RIMBP2: variants seen among roughly 807,000 people sequenced by gnomAD.
RIMBP2 encodes the protein RIMS-binding protein 2.
RIMBP2 carries 48 observed loss-of-function variants against 118.6 expected under a neutral mutation model. The ratio of observed to expected loss-of-function variants is 0.40; its 90% CI spans 0.32 to 0.51. The LOEUF is 0.51. Among genes scored for constraint, RIMBP2 ranks in the 20% least tolerant of loss-of-function variants. The probability of loss-of-function intolerance (pLI) is 0.41; values close to 1 mark genes in which losing one functional copy is unlikely to be tolerated. For synonymous variants in RIMBP2, 762 were observed against 742.9 expected (o/e 1.03, Z -0.42); for missense variants, 1,551 against 1,768.3 (o/e 0.88, Z 2.20).
At chr12:130,405,941 T>C (rs1241470954) in intron 21 of RIMBP2, among the ~76,000 whole-genome samples, 2 of 152,208 alleles carry the variant, frequency 1.3e-5, no homozygotes, top group African/African-American at 4.8e-5. Context: ...GCATATACAT[T>C]GAAAACACTA....
intron 2 of RIMBP2, among the ~76,000 whole-genome samples, chr12:130,556,540 G>A (rs1356962015): frequency 6.6e-6 from 1 of 152,240 alleles, no homozygotes; most frequent in Non-Finnish European, 1.5e-5. Flanking sequence ...GGACGCTCGG[G>A]CACTCAGGAT....
At position 130,413,526 on chromosome 12, in the gene RIMBP2, G is replaced by A. The variant is rs1406616544; in HGVS notation, c.3420+599C>T. ...CGCGCATCTGTGTTCCCAGCTACTC[G>A]GGAGGCTGAGGCAGGAGAATCACTT... On this transcript the variant is annotated intron_variant, in intron 18 of 22. Transcript: ENST00000690449. Among the ~76,000 whole-genome samples, 4 of 151,542 alleles carry A rather than the reference G, an allele frequency of 2.6e-5. No individual in the cohort carries two copies. In the East Asian group the frequency reaches 5.9e-4, roughly 22 times the overall value.
In RIMBP2 at chr12:130,602,202, A is replaced by ACATTAACC. The variant is rs2059918662; in HGVS notation, c.-217+26112_-217+26119dup. On this transcript the variant is annotated intron_variant, in intron 2 of 22. Coordinates refer to ENST00000690449, the MANE Select transcript of RIMBP2 (RefSeq NM_001393629.1). ...CTAACTTGTGCCAGGCATATGACAA[A>ACATTAACC]CATTAACCCATTAACCCTCATAATA... Among the ~76,000 whole-genome samples the ACATTAACC allele has an allele frequency of 3.9e-5, 6 of 152,376 alleles. No individual in the cohort carries two copies. In the South Asian group the frequency reaches 1.2e-3, roughly 32 times the overall value.
chr12:130,428,520 C>T (rs1314459906), intron 14 of RIMBP2, 183 bp from the exon 15 acceptor site: 3 of 547,536 alleles, frequency 5.5e-6, no homozygotes, highest in Non-Finnish European at 9.4e-6. Flanking sequence ...CACACCCACT[C>T]TCTCTGTTGA....
At chr12:130,460,778 C>T (rs1018411525) in intron 6 of RIMBP2, among the ~76,000 whole-genome samples, 11 of 152,108 alleles carry the variant, frequency 7.2e-5, no homozygotes, top group African/African-American at 2.4e-4. Context: ...CAGGGCCTGG[C>T]GCCGGGGACA....
At chr12:130,451,443 C>G in intron 7 of RIMBP2, 103 bp from the exon 8 acceptor site, 1 of 1,245,736 alleles carries the variant, frequency 8.0e-7, no homozygotes, top group South Asian at 1.5e-5. Flanking sequence ...TCTTTGACAA[C>G]AGCCACTGAT....
At chr12:130,657,442 G>A (rs764748479) in intron 1 of RIMBP2, among the ~76,000 whole-genome samples, 5 of 152,322 alleles carry the variant, frequency 3.3e-5, no homozygotes, top group Non-Finnish European at 7.3e-5. Context: ...AGCAGGCCCC[G>A]GGAGGAGAAA....
intron 2 of RIMBP2, among the ~76,000 whole-genome samples, chr12:130,530,382 T>C (rs1007093364): frequency 6.6e-6 from 1 of 152,208 alleles, no homozygotes; most frequent in African/African-American, 2.4e-5. Context: ...GACTATACAA[T>C]GCATAGTAAT....
intron 6 of RIMBP2, among the ~76,000 whole-genome samples, chr12:130,468,632 G>C (rs2080727208): frequency 6.6e-6 from 1 of 152,200 alleles, no homozygotes; most frequent in Non-Finnish European, 1.5e-5. Flanking sequence ...AGCCTCCCTG[G>C]CCTGTGGGAA....
rs181743872 is a variant in RIMBP2 at position 130,579,385 on chromosome 12, T to A, written c.-217+48937A>T. On this transcript the variant is annotated intron_variant, in intron 2 of 22. Transcript: ENST00000690449. ...AAAACCCTGGGCCCTGACTCTCTGATGAGCTTCCCTGGTAGATGACGTTTC... is the reference window on the plus strand; with the variant it reads ...AAAACCCTGGGCCCTGACTCTCTGAAGAGCTTCCCTGGTAGATGACGTTTC... 5.2e-4 allele frequency among the ~76,000 whole-genome samples: 79 copies of A among 152,210 alleles called. No homozygotes were observed. The East Asian group carries it at 0.013, about 24-fold the overall frequency.
chr12:130,428,973 T>G (rs1421678611), intron 14 of RIMBP2: 1 of 152,382 alleles, frequency 6.6e-6, no homozygotes, highest in Non-Finnish European at 1.5e-5. Context: ...GGCGGGCGCC[T>G]GTAGTCTCAG....
At chr12:130,498,221 C>T (rs1044734945) in intron 4 of RIMBP2, among the ~76,000 whole-genome samples, 1 of 152,002 alleles carries the variant, frequency 6.6e-6, no homozygotes, top group Non-Finnish European at 1.5e-5. Context: ...AGCACTGACT[C>T]CAGGCCTCTG....
At chr12:130,531,775 T>C (rs1315347881) in intron 2 of RIMBP2, among the ~76,000 whole-genome samples, 1 of 152,254 alleles carries the variant, frequency 6.6e-6, no homozygotes, top group Non-Finnish European at 1.5e-5. Context: ...ATGGTGGTGC[T>C]TTCAGAGATT....
chr12:130,563,947 C>G (rs1194830485), intron 2 of RIMBP2, among the ~76,000 whole-genome samples: 1 of 137,158 alleles, frequency 7.3e-6, no homozygotes, highest in African/African-American at 3.0e-5. Flanking sequence ...GCTTCCCAGC[C>G]TCCTCTGCTG....
chr12:130,545,179 T>C (rs1284234080), intron 2 of RIMBP2, among the ~76,000 whole-genome samples: 1 of 152,198 alleles, frequency 6.6e-6, no homozygotes, highest in African/African-American at 2.4e-5. Flanking sequence ...GACTGTAAGG[T>C]CCTCAAGGGC....
chr12:130,494,638 C>A (rs1268615500), intron 4 of RIMBP2, among the ~76,000 whole-genome samples: 15 of 135,870 alleles, frequency 1.1e-4, no homozygotes, highest in East Asian at 2.2e-4. Context: ...AACCCTGTCT[C>A]AAAAAAAAAA....
chr12:130,627,496 C>T (rs1329755371), intron 2 of RIMBP2, among the ~76,000 whole-genome samples: 1 of 152,156 alleles, frequency 6.6e-6, no homozygotes, highest in Non-Finnish European at 1.5e-5. Flanking sequence ...GAGTTCTCTC[C>T]TGAACCCTGA....
At position 130,699,567 on chromosome 12, in the gene RIMBP2, G is replaced by A. The variant is rs1229553101; in HGVS notation, c.-352+16655C>T. Among the ~76,000 whole-genome samples, 211 of 132,084 alleles carry A rather than the reference G, an allele frequency of 1.6e-3. 2 individuals carry two copies. The highest frequency in any genetic ancestry group is 5.4e-3 in the African/African-American group (192 of 35,432). 86.7% of individuals were successfully genotyped at this position (132,084 alleles called of 152,430 possible). A position where few individuals can be genotyped will look rare whatever the true frequency, so the allele number is the denominator to read the frequency against. ...CACAGGAAGGGGAACATCACACACC[G>A]GGGACTGTTGTGGGGTGGGGGGAGG... On this transcript the variant is annotated intron_variant, in intron 1 of 22. Transcript: ENST00000690449.
intron 14 of RIMBP2, chr12:130,429,245 C>G (rs1476350347): frequency 6.6e-6 from 1 of 152,260 alleles, no homozygotes; most frequent in Admixed American, 6.5e-5. Flanking sequence ...AGCTCAGCCT[C>G]AGCATGAGAC....
Sources: gnomAD v4.1 joint callset for allele counts (sites outside exome capture counted in the v4.1 genomes callset) on GRCh38, gnomAD v4.1.1 for gene constraint, MANE v1.5 for transcripts, NCBI Gene and HGNC (gene_info 2026-07-23, HGNC 2026-07-21) for gene names.